MYO1B: variants seen among roughly 807,000 people sequenced by gnomAD.
MYO1B encodes myosin IB.
Under a neutral mutation model 159.7 loss-of-function variants are expected in MYO1B, and 72 were observed. The observed-to-expected ratio is 0.45, with a 90% CI of 0.37 to 0.55. The LOEUF is 0.55. Among genes scored for constraint, MYO1B ranks in the 20% least tolerant of loss-of-function variants. The pLI is 0.00. For missense variants in MYO1B, 1,062 were observed against 1,364.8 expected (o/e 0.78, Z 3.50); for synonymous variants, 468 against 473.8 (o/e 0.99, Z 0.16).
intron 21 of MYO1B, among the ~76,000 whole-genome samples, chr2:191,399,770 T>C (rs1315106428): frequency 6.6e-6 from 1 of 151,998 alleles, no homozygotes; most frequent in East Asian, 1.9e-4. Flanking sequence ...GTAGAGTAAG[T>C]GAAACTGCTG....
intron 2 of MYO1B, among the ~76,000 whole-genome samples, chr2:191,278,604 A>T (rs370334793): frequency 6.6e-6 from 1 of 152,248 alleles, no homozygotes. Context: ...GGATAACTGG[A>T]TACTAAACTG....
At chr2:191,300,639 C>CTTTTTTTTTTTTTTTT (rs1233709923) in intron 3 of MYO1B, among the ~76,000 whole-genome samples, 987 of 66,918 alleles carry the variant, frequency 0.015, 222 homozygotes, top group Non-Finnish European at 0.016. Context: ...TGTGCGCAGC[C>CTTTTTTTTTTTTTTTT]TTTTTTTTTT....
At chr2:191,370,502 A>AGTGTGTGTGT (rs58911860) in intron 13 of MYO1B, among the ~76,000 whole-genome samples, 1 of 148,018 alleles carries the variant, frequency 6.8e-6, no homozygotes, top group Non-Finnish European at 1.5e-5. Flanking sequence ...TGTGTGCCTG[A>AGTGTGTGTGT]GTGTGTGTGT....
chr2:191,284,972 C>T (rs1413525215), intron 2 of MYO1B, among the ~76,000 whole-genome samples: 2 of 152,292 alleles, frequency 1.3e-5, no homozygotes, highest in South Asian at 4.1e-4. Flanking sequence ...TCTTTCTCTT[C>T]TCCCCTTCCC....
chr2:191,289,679 A>G (rs1688585663), intron 2 of MYO1B, among the ~76,000 whole-genome samples: 1 of 152,226 alleles, frequency 6.6e-6, no homozygotes, highest in Non-Finnish European at 1.5e-5. Flanking sequence ...TTTCAAAAAA[A>G]GCATCAAAGT....
At chr2:191,339,333 G>A (rs1692063241) in intron 4 of MYO1B, among the ~76,000 whole-genome samples, 1 of 152,184 alleles carries the variant, frequency 6.6e-6, no homozygotes, top group African/African-American at 2.4e-5. Flanking sequence ...AAATATAATA[G>A]TATATAAAGT....
intron 30 of MYO1B, among the ~76,000 whole-genome samples, chr2:191,421,771 C>G (rs1365615044): frequency 6.6e-6 from 1 of 152,220 alleles, no homozygotes; most frequent in African/African-American, 2.4e-5. Context: ...CCACTGTGCC[C>G]AGCCACAAGT....
chr2:191,387,493 C>G, intron 17 of MYO1B, 43 bp downstream of exon 17: 1 of 1,525,878 alleles, frequency 6.6e-7, no homozygotes, highest in Non-Finnish European at 9.1e-7. Context: ...AATGTGAGAG[C>G]ACCCCGAAGG....
chr2:191,316,219 C>T (rs141297210), intron 3 of MYO1B, among the ~76,000 whole-genome samples: 2 of 152,168 alleles, frequency 1.3e-5, no homozygotes, highest in Admixed American at 1.3e-4. Context: ...AATAAAAGAT[C>T]CTTAATTTTA....
chr2:191,400,580 G>C, intron 22 of MYO1B, 112 bp downstream of exon 22: 1 of 1,385,682 alleles, frequency 7.2e-7, no homozygotes, highest in Non-Finnish European at 1.0e-6. Flanking sequence ...TACTGAGCAC[G>C]TGTTTGCTTC....
Position 191,387,827 on chromosome 2 carries a change from T to G in MYO1B, c.1781+377T>G, listed in dbSNP as rs1695484821. 7.2e-5 allele frequency: 22 copies of G among 303,748 alleles called. No homozygotes were observed. In the South Asian group the frequency reaches 7.3e-4, roughly 10 times the overall value. The allele number at this position is 303,748 out of a possible 1,614,324, so 18.8% of individuals were successfully genotyped here. On this transcript the variant is annotated intron_variant, in intron 17 of 30. Coordinates refer to ENST00000392318, the MANE Select transcript of MYO1B (RefSeq NM_001130158.3). ...TCTTGTTGGCTTCATTTGGGATTCT[T>G]GTTCTATTAGCTTAGAGCACAGCAT...
chr2:191,283,836 A>G (rs1688205084), intron 2 of MYO1B, among the ~76,000 whole-genome samples: 1 of 152,214 alleles, frequency 6.6e-6, no homozygotes, highest in Non-Finnish European at 1.5e-5. Context: ...GATATTGAAG[A>G]ATGTGTAGGT....
At position 191,328,198 on chromosome 2, in the gene MYO1B, C is replaced by G. The variant is rs367598191; in HGVS notation, c.252-1737C>G. On this transcript the variant is annotated intron_variant, in intron 3 of 30. Coordinates refer to ENST00000392318, the MANE Select transcript of MYO1B (RefSeq NM_001130158.3). The stretch of plus-strand genomic sequence containing the variant: ...AAGTCCAATTGTGAATCCTAGGACA[C>G]TTTACTGGGCTCCTGGCACATCAAA... Among the ~76,000 whole-genome samples, 8 of 152,322 alleles carry G rather than the reference C, an allele frequency of 5.3e-5. No individual in the cohort carries two copies. The South Asian group carries it at 8.3e-4, about 16-fold the overall frequency.
intron 1 of MYO1B, chr2:191,263,313 GTCTC>G: frequency 1.0e-6 from 1 of 984,946 alleles, no homozygotes; most frequent in Non-Finnish European, 1.2e-6. Flanking sequence ...ACGAATGTTT[GTCTC>G]TCTCTTTCAT....
chr2:191,345,753 T>C (rs1182106243), intron 5 of MYO1B, among the ~76,000 whole-genome samples: 1 of 152,188 alleles, frequency 6.6e-6, no homozygotes, highest in Non-Finnish European at 1.5e-5. Context: ...TAATTAATAA[T>C]ATTTAAATAG....
At chr2:191,401,249 C>G (rs930379171) in intron 23 of MYO1B, among the ~76,000 whole-genome samples, 1 of 152,026 alleles carries the variant, frequency 6.6e-6, no homozygotes, top group Non-Finnish European at 1.5e-5. Flanking sequence ...ATGGAAATGC[C>G]TCTAACATAT....
chr2:191,363,582 C>T lies in MYO1B; in HGVS notation c.766-146C>T, dbSNP rs550451565. ...CACCAGAGGTACCCCCAGGGTTCCT[C>T]GAATCACAGTTGGAAACCACTGAAG... is the stretch of plus-strand genomic sequence containing the variant. On this transcript the variant is annotated intron_variant, in intron 9 of 30. Coordinates refer to ENST00000392318, the MANE Select transcript of MYO1B (RefSeq NM_001130158.3). 49 of 1,107,122 alleles carry T rather than the reference C, an allele frequency of 4.4e-5. No homozygotes were observed. In the Admixed American group the frequency reaches 8.6e-4, roughly 20 times the overall value. The allele number at this position is 1,107,122 out of a possible 1,614,324, so 68.6% of individuals were successfully genotyped here. A position where few individuals can be genotyped will look rare whatever the true frequency, so the allele number is the denominator to read the frequency against.
At chr2:191,370,386 C>T (rs1694285041) in intron 13 of MYO1B, 94 bp downstream of exon 13, 1 of 829,438 alleles carries the variant, frequency 1.2e-6, no homozygotes, top group Non-Finnish European at 2.0e-6. Flanking sequence ...GTAACTGTAA[C>T]TTTGAATCTA....
At chr2:191,267,399 C>T (rs981103835) in intron 1 of MYO1B, among the ~76,000 whole-genome samples, 4 of 152,094 alleles carry the variant, frequency 2.6e-5, no homozygotes, top group Non-Finnish European at 5.9e-5. Flanking sequence ...AAAAGCCCTC[C>T]TACTAGCATT....
Sources: gnomAD v4.1 joint callset for allele counts (sites outside exome capture counted in the v4.1 genomes callset) on GRCh38, gnomAD v4.1.1 for gene constraint, MANE v1.5 for transcripts, NCBI Gene and HGNC (gene_info 2026-07-23, HGNC 2026-07-21) for gene names.